TNKS2: variants seen among roughly 807,000 people sequenced by gnomAD.
The protein encoded by TNKS2 is poly [ADP-ribose] polymerase tankyrase-2.
TNKS2 carries 72 observed loss-of-function variants against 137.6 expected under a neutral mutation model. The observed-to-expected ratio is 0.52, with a 90% confidence interval of 0.43 to 0.64. TNKS2 has a LOEUF of 0.64. Among genes scored for constraint, TNKS2 ranks in the 30% least tolerant of loss-of-function variants. The pLI, the probability that TNKS2 is intolerant of heterozygous loss-of-function variation, is 0.00. For missense variants in TNKS2, 1,049 were observed against 1,410.2 expected (o/e 0.74, Z 4.10); for synonymous variants, 516 against 512.1 (o/e 1.01, Z -0.10).
At chr10:91,852,787 C>T (rs1254270948) in intron 21 of TNKS2, among the ~76,000 whole-genome samples, 1 of 152,068 alleles carries the variant, frequency 6.6e-6, no homozygotes, top group Non-Finnish European at 1.5e-5. Flanking sequence ...AATAAGAGCA[C>T]CTCTAAAAAT....
intron 9 of TNKS2, 134 bp from the exon 10 acceptor site, chr10:91,830,789 T>A (rs1589668360): frequency 1.3e-6 from 1 of 756,004 alleles, no homozygotes; most frequent in East Asian, 2.7e-5. Flanking sequence ...CAATCAAAAG[T>A]CAAGAGCAAA....
intron 1 of TNKS2, chr10:91,807,582 A>T: frequency 1.3e-6 from 1 of 760,978 alleles, no homozygotes; most frequent in East Asian, 2.7e-5. Flanking sequence ...CTTTTCATAT[A>T]CTGTGATACC....
Position 91,855,039 on chromosome 10 carries a change from A to G in TNKS2, c.2826A>G (p.Pro942=). ...RLISGQQGLN[P]YLTLNTSGSG... is the part of the protein sequence containing the mutation. ...AATTTTGTTTCATAGGTCTTAACCCATATTTAACTTTGAACACCTCTGGTA... is the reference window on the plus strand; with the variant it reads ...AATTTTGTTTCATAGGTCTTAACCCGTATTTAACTTTGAACACCTCTGGTA... Residue 942 remains proline, a synonymous_variant, in exon 22 of 27, where the codon CCA becomes CCG. Coordinates refer to ENST00000371627, the MANE Select transcript of TNKS2 (RefSeq NM_025235.4). 1 of 1,597,462 alleles carries G rather than the reference A, an allele frequency of 6.3e-7. No individual in the cohort carries two copies.
intron 1 of TNKS2, among the ~76,000 whole-genome samples, chr10:91,799,935 T>C (rs1173995771): frequency 1.3e-5 from 2 of 152,254 alleles, no homozygotes; most frequent in South Asian, 2.1e-4. Flanking sequence ...TGGGGCTAGA[T>C]TGATGAAGAG....
chr10:91,826,935 G>A (rs1197703666), intron 7 of TNKS2, 82 bp from the exon 8 acceptor site: 3 of 1,269,056 alleles, frequency 2.4e-6, no homozygotes, highest in African/African-American at 3.0e-5. Flanking sequence ...GTTTTAGCCT[G>A]TATGATGTTA....
At chr10:91,831,205 T>A in intron 11 of TNKS2, 24 bp downstream of exon 11, 1 of 1,600,120 alleles carries the variant, frequency 6.2e-7, no homozygotes, top group Non-Finnish European at 8.6e-7. Context: ...TTGGTAATCT[T>A]TGGTAATCCA....
chr10:91,827,252 T>G (rs774622148), intron 8 of TNKS2, 49 bp downstream of exon 8: 11 of 1,319,618 alleles, frequency 8.3e-6, no homozygotes, highest in Non-Finnish European at 1.1e-5. Flanking sequence ...ATCAATAAAC[T>G]GAACATTTTT....
intron 24 of TNKS2, among the ~76,000 whole-genome samples, chr10:91,858,216 T>C (rs898135885): frequency 6.6e-6 from 1 of 152,182 alleles, no homozygotes; most frequent in African/African-American, 2.4e-5. Flanking sequence ...TAAAGTTCTC[T>C]AAAACACAGT....
Position 91,858,803 on chromosome 10 carries a change from G to A in TNKS2, c.3095-659G>A, listed in dbSNP as rs943720963. Among the ~76,000 whole-genome samples the A allele has an allele frequency of 7.2e-5, 11 of 152,330 alleles. No homozygotes were observed. The East Asian group carries it at 1.4e-3, about 19-fold the overall frequency. ...GTGAGTGGATCACCTGAGGTCAGGAGTTTGAGACCAGCCTGACCAATATGT... is the reference window on the plus strand; with the variant it reads ...GTGAGTGGATCACCTGAGGTCAGGAATTTGAGACCAGCCTGACCAATATGT... On this transcript the variant is annotated intron_variant, in intron 24 of 26. Transcript: ENST00000371627.
At chr10:91,819,625 T>G in intron 5 of TNKS2, 68 bp downstream of exon 5, 1 of 1,210,518 alleles carries the variant, frequency 8.3e-7, no homozygotes, top group Non-Finnish European at 1.2e-6. Flanking sequence ...GTGTTTATCT[T>G]ATGATAAATT....
Position 91,837,008 on chromosome 10 carries a change from A to G in TNKS2, c.1527+10A>G, listed in dbSNP as rs748949955. ...TGTCGAAACTGTAAAAGTAAGATACAGTGTTACGTTTCTGTTAACTTTGGG... is the reference window on the plus strand; with the variant it reads ...TGTCGAAACTGTAAAAGTAAGATACGGTGTTACGTTTCTGTTAACTTTGGG... On this transcript the variant is annotated intron_variant, in intron 13 of 26. Transcript: ENST00000371627. 1.5e-5 allele frequency: 24 copies of G among 1,611,120 alleles called. No individual in the cohort carries two copies. The highest frequency in any genetic ancestry group is 1.9e-5 in the Non-Finnish European group (22 of 1,178,834).
At chr10:91,822,216 A>G (rs185163569) in intron 6 of TNKS2, 80 bp from the exon 7 acceptor site, 1 of 1,117,104 alleles carries the variant, frequency 9.0e-7, no homozygotes, top group African/African-American at 1.6e-5. Flanking sequence ...ATAAGTAATT[A>G]AATAAATTTT....
chr10:91,856,680 GT>G (rs952833691), intron 23 of TNKS2, among the ~76,000 whole-genome samples: 13 of 151,956 alleles, frequency 8.6e-5, no homozygotes, highest in Non-Finnish European at 1.9e-4. Flanking sequence ...GATGAAACGG[GT>G]TTTTTTTGTT....
intron 16 of TNKS2, among the ~76,000 whole-genome samples, chr10:91,842,958 C>T (rs1410173626): frequency 6.6e-6 from 1 of 152,096 alleles, no homozygotes; most frequent in Non-Finnish European, 1.5e-5. Flanking sequence ...CTTTGGGAAT[C>T]ATTATTCCAG....
At position 91,841,467 on chromosome 10, in the gene TNKS2, C is replaced by G; in HGVS notation, c.1839+19C>G. ...GCTCCAGGTATATTTAAATACTTAACTGTAAAGAGTATGAATTACATAGCA... is the reference window on the plus strand; with the variant it reads ...GCTCCAGGTATATTTAAATACTTAAGTGTAAAGAGTATGAATTACATAGCA... On this transcript the variant is annotated intron_variant, in intron 15 of 26. Coordinates refer to ENST00000371627, the MANE Select transcript of TNKS2 (RefSeq NM_025235.4). 1 of 1,566,314 alleles carries G rather than the reference C, an allele frequency of 6.4e-7. No homozygotes were observed.
In TNKS2 at chr10:91,836,907, T is replaced by C. The variant is rs1178508669; in HGVS notation, c.1448-12T>C. The C allele has an allele frequency of 2.5e-6, 4 of 1,609,406 alleles. No individual in the cohort carries two copies. Among genetic ancestry groups the C allele is most frequent in the South Asian group, 1.1e-5 (1 of 89,828 alleles). On this transcript the variant is annotated splice_polypyrimidine_tract_variant and intron_variant, in intron 12 of 26. Coordinates refer to ENST00000371627, the MANE Select transcript of TNKS2 (RefSeq NM_025235.4). ...GAGGTTAGTCACTCTTCTCTCTCTC[T>C]CTCTTTTTTAGAGGGTATCTCATTA... is the stretch of plus-strand genomic sequence containing the variant.
chr10:91,813,336 A>G, intron 2 of TNKS2, 129 bp downstream of exon 2: 1 of 848,128 alleles, frequency 1.2e-6, no homozygotes, highest in Non-Finnish European at 1.8e-6. Flanking sequence ...CCATGATTTA[A>G]TCTAACTACT....
chr10:91,819,179 T>A (rs1313495411), intron 3 of TNKS2, 91 bp from the exon 4 acceptor site: 2 of 722,352 alleles, frequency 2.8e-6, no homozygotes, highest in Non-Finnish European at 4.3e-6. Flanking sequence ...TCCAAATTTA[T>A]CTACTTTATA....
At chr10:91,810,622 C>G (rs1024323387) in intron 1 of TNKS2, among the ~76,000 whole-genome samples, 2 of 151,486 alleles carry the variant, frequency 1.3e-5, no homozygotes, top group African/African-American at 4.8e-5. Context: ...CCTGCCTCAA[C>G]CACCCAAGTA....
Sources: allele counts gnomAD v4.1 joint callset (sites outside exome capture counted in the v4.1 genomes callset), GRCh38; gene constraint gnomAD v4.1.1; transcripts MANE v1.5; gene names NCBI Gene and HGNC (gene_info 2026-07-23, HGNC 2026-07-21).